Variants in MAB21L1 observed in about 807,000 individuals in gnomAD.
MAB21L1 encodes putative nucleotidyltransferase MAB21L1.
A neutral mutation model predicts 28.9 loss-of-function variants in MAB21L1; 8 were observed. The ratio of observed to expected loss-of-function variants is 0.28; its 90% confidence interval spans 0.16 to 0.50. The LOEUF (loss-of-function observed/expected upper bound fraction) is 0.50. MAB21L1 is among the 20% of genes least tolerant of loss of function. The pLI is 0.98. For synonymous variants in MAB21L1, 219 were observed against 198.2 expected (o/e 1.10, Z -0.88); for missense variants, 388 against 466.5 (o/e 0.83, Z 1.55).
In MAB21L1 at chr13:35,474,248, C is replaced by G. The variant is rs2075770402; in HGVS notation, c.*811G>C. On this transcript the variant is annotated 3_prime_UTR_variant, in exon 1 of 1. Transcript: ENST00000379919. The stretch of plus-strand genomic sequence containing the variant: ...TACCATCTAATTAAATAAAAACCAG[C>G]AACAAATTAAAATCTAAATCACAAA... 6.6e-6 allele frequency: 1 copy of G among 152,452 alleles called. No homozygotes were observed. Among genetic ancestry groups the G allele is most frequent in the Non-Finnish European group, 1.5e-5 (1 of 67,998 alleles). The allele number at this position is 152,452 out of a possible 1,614,324, so 9.4% of individuals were successfully genotyped here.
rs1173225453 is a variant in MAB21L1, at chr13:35,476,300, CTG to C, written c.-164_-163del. On this transcript the variant is annotated 5_prime_UTR_variant, in exon 1 of 1. Coordinates refer to ENST00000379919, the MANE Select transcript of MAB21L1 (RefSeq NM_005584.5). The stretch of plus-strand genomic sequence containing the variant: ...AAGTGCTGCAGCGTTGGTTTCCCTG[CTG>C]CTGCTGCTGCTGCTGCTGCTGCTGC... The C allele has an allele frequency of 8.0e-6, 3 of 373,004 alleles. No homozygotes were observed. The highest frequency in any genetic ancestry group is 1.5e-4 in the East Asian group (1 of 6,752). 23.1% of individuals were successfully genotyped at this position (373,004 alleles called of 1,614,324 possible).
At position 35,474,844 on chromosome 13, in the gene MAB21L1, T is replaced by C. The variant is rs1293420064; in HGVS notation, c.*215A>G. The C allele has an allele frequency of 1.8e-6, 1 of 570,868 alleles. No individual in the cohort carries two copies. Among genetic ancestry groups the C allele is most frequent in the Non-Finnish European group, 3.0e-6 (1 of 329,794 alleles). The allele number at this position is 570,868 out of a possible 1,614,324, so 35.4% of individuals were successfully genotyped here. On this transcript the variant is annotated 3_prime_UTR_variant, in exon 1 of 1. Coordinates refer to ENST00000379919, the MANE Select transcript of MAB21L1 (RefSeq NM_005584.5). The stretch of plus-strand genomic sequence containing the variant: ...AATCGTGTGGAAAGAAGTCTTCTAA[T>C]ACTAGTGGCTTTGGGTTTTTCTCCA...
Position 35,475,043 on chromosome 13 carries a change from T to G in MAB21L1, c.*16A>C. 6.2e-7 allele frequency: 1 copy of G among 1,603,480 alleles called. No individual in the cohort carries two copies. Among genetic ancestry groups the G allele is most frequent in the Non-Finnish European group, 8.5e-7 (1 of 1,173,766 alleles). ...TTGAGAAGGGTAATAATTTCGGCTC[T>G]TGATTAAATCATCCTCTAAAGTTTT... On this transcript the variant is annotated 3_prime_UTR_variant, in exon 1 of 1. Transcript: ENST00000379919.
rs2152961876 is a variant in MAB21L1, at chr13:35,476,299, GCT to G, written c.-163_-162del. On this transcript the variant is annotated 5_prime_UTR_variant, in exon 1 of 1. Transcript: ENST00000379919. Reference sequence around the variant, plus strand: ...GAAGTGCTGCAGCGTTGGTTTCCCTGCTGCTGCTGCTGCTGCTGCTGCTGCTG... The same window carrying G: ...GAAGTGCTGCAGCGTTGGTTTCCCTGGCTGCTGCTGCTGCTGCTGCTGCTG... The G allele has an allele frequency of 9.0e-5, 24 of 266,602 alleles. No homozygotes were observed. Among genetic ancestry groups the G allele is most frequent in the African/African-American group, 8.6e-4 (13 of 15,172 alleles). 16.5% of individuals were successfully genotyped at this position (266,602 alleles called of 1,614,324 possible).
chr13:35,476,296 CCTGCTGCTGCTGCTG>C lies in MAB21L1; in HGVS notation c.-173_-159del, dbSNP rs56240021. ...TCGGAAGTGCTGCAGCGTTGGTTTC[CCTGCTGCTGCTGCTG>C]CTGCTGCTGCTGCTGCTGCTGCTGC... On this transcript the variant is annotated 5_prime_UTR_variant, in exon 1 of 1. Transcript: ENST00000379919. 0.029 allele frequency: 27,934 copies of C among 959,454 alleles called. 672 individuals are homozygous for C. Among genetic ancestry groups the C allele is most frequent in the South Asian group, 0.044 (3,199 of 72,130 alleles). 59.4% of individuals were successfully genotyped at this position (959,454 alleles called of 1,614,324 possible).
chr13:35,476,120 TG>T lies in MAB21L1; in HGVS notation c.18del (p.Lys7SerfsTer6). 6.2e-7 allele frequency: 1 copy of T among 1,614,150 alleles called. No homozygotes were observed. Among genetic ancestry groups the T allele is most frequent in the Non-Finnish European group, 8.5e-7 (1 of 1,179,980 alleles). On this transcript the variant is annotated frameshift_variant, in exon 1 of 1. Transcript: ENST00000379919. LOFTEE classifies it high-confidence loss of function. ...TATTTATTCAGATGGTAGACCAGCT[TG>T]GCCTGGGCCGCAATCATGTTGGGGC... MIAAQAKLVYHLNKYY... is the reference protein window; with the variant it reads MIAAQXKLVYHLNKYY...
Position 35,475,748 on chromosome 13 carries a change from T to G in MAB21L1, c.391A>C (p.Arg131=). ...GCTTGAGCCACCAGCGTCTGAAACCTGGACCGGATTTTGCGCGCCGAGAGG... is the reference window on the plus strand; with the variant it reads ...GCTTGAGCCACCAGCGTCTGAAACCGGGACCGGATTTTGCGCGCCGAGAGG... The part of the protein sequence containing the change: ...GYLSARKIRS[R]FQTLVAQAVD... Residue 131 remains arginine (R), a synonymous_variant, in exon 1 of 1, where the codon AGG becomes CGG. Coordinates refer to ENST00000379919, the MANE Select transcript of MAB21L1 (RefSeq NM_005584.5). The G allele has an allele frequency of 6.2e-7, 1 of 1,613,938 alleles. No homozygotes were observed. Among genetic ancestry groups the G allele is most frequent in the Non-Finnish European group, 8.5e-7 (1 of 1,179,990 alleles).
Position 35,475,663 on chromosome 13 carries a change from T to G in MAB21L1, c.476A>C (p.Lys159Thr). 6.2e-7 allele frequency: 1 copy of G among 1,613,738 alleles called. No homozygotes were observed. The highest frequency in any genetic ancestry group is 8.5e-7 in the Non-Finnish European group (1 of 1,179,952). Reference sequence around the variant, plus strand: ...CACGTACCTATCTCGGATTCTCAGTTTCACTTCGCTGGTGTCTGCCACCAT... The same window carrying G: ...CACGTACCTATCTCGGATTCTCAGTGTCACTTCGCTGGTGTCTGCCACCAT... ...VKMVADTSEV[K>T]LRIRDRYVVQ... The change falls in exon 1 of 1, where the codon AAA becomes ACA. Residue 159 changes from lysine to threonine, a missense_variant. This residue lies in a region of MAB21L1 where 81 missense variants were observed against 153.7 expected (regional missense o/e 0.53). Transcript: ENST00000379919.
rs1461807823 is a variant in MAB21L1 at position 35,475,702 on chromosome 13, C to T, written c.437G>A (p.Arg146Gln). 4 of 1,613,652 alleles carry T rather than the reference C, an allele frequency of 2.5e-6. No homozygotes were observed. Among genetic ancestry groups the T allele is most frequent in the African/African-American group, 1.3e-5 (1 of 74,794 alleles). ...GTCTGCCACCATCTTTACCACATCC[C>T]GGTAGCTACATTTGTCTACCGCTTG... ...VAQAVDKCSYRDVVKMVADTS... is the reference protein window; with the variant it reads ...VAQAVDKCSYQDVVKMVADTS... Residue 146 changes from arginine to glutamine, a missense_variant, in exon 1 of 1, where the codon CGG becomes CAG. This residue lies in a region of MAB21L1 where 81 missense variants were observed against 153.7 expected (regional missense o/e 0.53). Transcript: ENST00000379919.
rs1276658061 is a variant in MAB21L1, at chr13:35,473,798, G to C, written c.*1261C>G. ...GGTTTGACATAAAATATATTGGTCA[G>C]AAAGGATCGTTTTATTAGTTTTCAT... On this transcript the variant is annotated 3_prime_UTR_variant, in exon 1 of 1. Coordinates refer to ENST00000379919, the MANE Select transcript of MAB21L1 (RefSeq NM_005584.5). Among the ~76,000 whole-genome samples, 1 of 152,124 alleles carries C rather than the reference G, an allele frequency of 6.6e-6. No individual in the cohort carries two copies. The highest frequency in any genetic ancestry group is 2.4e-5 in the African/African-American group (1 of 41,446).
Position 35,476,193 on chromosome 13 carries a change from C to T in MAB21L1, c.-55G>A, listed in dbSNP as rs2075856198. The stretch of plus-strand genomic sequence containing the variant: ...GAGTCTCGCAGTAAGCTGTGGGATC[C>T]AATGCGGCTGCTAGAGCTGGAGCCA... On this transcript the variant is annotated 5_prime_UTR_variant, in exon 1 of 1. Transcript: ENST00000379919. 6.2e-7 allele frequency: 1 copy of T among 1,611,100 alleles called. No homozygotes were observed. Among genetic ancestry groups the T allele is most frequent in the Non-Finnish European group, 8.5e-7 (1 of 1,177,896 alleles).
Position 35,475,274 on chromosome 13 carries a change from AC to A in MAB21L1, c.864del (p.Glu288AspfsTer13), listed in dbSNP as rs1466858068. 1 of 1,612,384 alleles carries A rather than the reference AC, an allele frequency of 6.2e-7. No homozygotes were observed. Among genetic ancestry groups the A allele is most frequent in the Non-Finnish European group, 8.5e-7 (1 of 1,179,484 alleles). ...VSYECEKHPRESDWDESCLGD... is the reference protein window; with the variant it reads ...VSYECEKHPRXSDWDESCLGD... ...CCCAGGCAAGACTCGTCCCAGTCCG[AC>A]TCTCGGGGATGCTTTTCACACTCGT... On this transcript the variant is annotated frameshift_variant, in exon 1 of 1. Transcript: ENST00000379919. LOFTEE classifies it high-confidence loss of function.
chr13:35,474,007 T>G lies in MAB21L1; in HGVS notation c.*1052A>C, dbSNP rs1399657736. Among the ~76,000 whole-genome samples the G allele has an allele frequency of 6.6e-6, 1 of 152,180 alleles. No individual in the cohort carries two copies. Among genetic ancestry groups the G allele is most frequent in the Non-Finnish European group, 1.5e-5 (1 of 68,006 alleles). On this transcript the variant is annotated 3_prime_UTR_variant, in exon 1 of 1. Coordinates refer to ENST00000379919, the MANE Select transcript of MAB21L1 (RefSeq NM_005584.5). Reference sequence around the variant, plus strand: ...GTTTCTGTTGTAGAAAGGAATTGTCTTACAAGTAAGTTAGAGACTGAGAGT... The same window carrying G: ...GTTTCTGTTGTAGAAAGGAATTGTCGTACAAGTAAGTTAGAGACTGAGAGT...
Position 35,475,951 on chromosome 13 carries a change from T to C in MAB21L1, c.188A>G (p.Tyr63Cys). The C allele has an allele frequency of 6.2e-7, 1 of 1,614,170 alleles. No homozygotes were observed. The highest frequency in any genetic ancestry group is 2.2e-5 in the East Asian group (1 of 44,864). Residue 63 changes from tyrosine (Y) to cysteine (C), a missense_variant, in exon 1 of 1, where the codon TAC becomes TGC. Coordinates refer to ENST00000379919, the MANE Select transcript of MAB21L1 (RefSeq NM_005584.5). ...ISSLNEMDNRYEGLEVISPTE... is the reference protein window; with the variant it reads ...ISSLNEMDNRCEGLEVISPTE... ...GGGGGAGATGACCTCGAGGCCCTCG[T>C]AGCGATTGTCCATCTCGTTGAGAGA...
At position 35,475,026 on chromosome 13, in the gene MAB21L1, G is replaced by A. The variant is rs377703305; in HGVS notation, c.*33C>T. On this transcript the variant is annotated 3_prime_UTR_variant, in exon 1 of 1. Transcript: ENST00000379919. ...TACACTTAATAAGGACTTTGAGAAG[G>A]GTAATAATTTCGGCTCTTGATTAAA... 2 of 1,591,860 alleles carry A rather than the reference G, an allele frequency of 1.3e-6. No individual in the cohort carries two copies. Among genetic ancestry groups the A allele is most frequent in the African/African-American group, 2.7e-5 (2 of 74,258 alleles).
chr13:35,476,548 C>A lies in MAB21L1; in HGVS notation c.-410G>T. On this transcript the variant is annotated 5_prime_UTR_variant, in exon 1 of 1. Coordinates refer to ENST00000379919, the MANE Select transcript of MAB21L1 (RefSeq NM_005584.5). ...GCTCTTCCAGTAGTCAAAATAAGCACCCCTTTCCGTATTTATTTGCGCTTT... is the reference window on the plus strand; with the variant it reads ...GCTCTTCCAGTAGTCAAAATAAGCAACCCTTTCCGTATTTATTTGCGCTTT... 1 of 594,266 alleles carries A rather than the reference C, an allele frequency of 1.7e-6. No homozygotes were observed. The highest frequency in any genetic ancestry group is 3.0e-6 in the Non-Finnish European group (1 of 328,388). 36.8% of individuals were successfully genotyped at this position (594,266 alleles called of 1,614,324 possible). A position where few individuals can be genotyped will look rare whatever the true frequency, so the allele number is the denominator to read the frequency against.
chr13:35,474,347 T>C lies in MAB21L1; in HGVS notation c.*712A>G, dbSNP rs1308514253. The C allele has an allele frequency of 6.6e-6, 1 of 152,660 alleles. No homozygotes were observed. Among genetic ancestry groups the C allele is most frequent in the Non-Finnish European group, 1.5e-5 (1 of 68,034 alleles). 9.5% of individuals were successfully genotyped at this position (152,660 alleles called of 1,614,324 possible). ...GATATTCAAGCGTTATTATATAAGC[T>C]GAATTCAAATTTCTTTGAATATATT... On this transcript the variant is annotated 3_prime_UTR_variant, in exon 1 of 1. Coordinates refer to ENST00000379919, the MANE Select transcript of MAB21L1 (RefSeq NM_005584.5).
chr13:35,476,294 TCCCTGCTGCTGCTGC>T lies in MAB21L1; in HGVS notation c.-171_-157del. The T allele has an allele frequency of 2.2e-6, 2 of 925,580 alleles. No homozygotes were observed. The highest frequency in any genetic ancestry group is 3.0e-5 in the South Asian group (2 of 67,214). 57.3% of individuals were successfully genotyped at this position (925,580 alleles called of 1,614,324 possible). ...TTTCGGAAGTGCTGCAGCGTTGGTTTCCCTGCTGCTGCTGCTGCTGCTGCTGCTGCTGCTGCTGCT... is the reference window on the plus strand; with the variant it reads ...TTTCGGAAGTGCTGCAGCGTTGGTTTTGCTGCTGCTGCTGCTGCTGCTGCT... On this transcript the variant is annotated 5_prime_UTR_variant, in exon 1 of 1. Transcript: ENST00000379919.
Position 35,475,019 on chromosome 13 carries a change from T to G in MAB21L1, c.*40A>C. 1.3e-6 allele frequency: 2 copies of G among 1,582,500 alleles called. No homozygotes were observed. Among genetic ancestry groups the G allele is most frequent in the Non-Finnish European group, 1.7e-6 (2 of 1,163,210 alleles). On this transcript the variant is annotated 3_prime_UTR_variant, in exon 1 of 1. Coordinates refer to ENST00000379919, the MANE Select transcript of MAB21L1 (RefSeq NM_005584.5). Reference sequence around the variant, plus strand: ...AGAAGTTTACACTTAATAAGGACTTTGAGAAGGGTAATAATTTCGGCTCTT... The same window carrying G: ...AGAAGTTTACACTTAATAAGGACTTGGAGAAGGGTAATAATTTCGGCTCTT...
Sources: gnomAD v4.1 joint callset for allele counts (sites outside exome capture counted in the v4.1 genomes callset) on GRCh38, gnomAD v4.1.1 for gene constraint, gnomAD v4.1.1 regional missense constraint, MANE v1.5 for transcripts, NCBI Gene and HGNC (gene_info 2026-07-23, HGNC 2026-07-21) for gene names.